Variants in DCLK1 observed in about 807,000 individuals in gnomAD.
DCLK1 encodes doublecortin like kinase 1, also known as serine/threonine-protein kinase DCLK1.
In DCLK1, 16 loss-of-function variants were observed where a neutral mutation model predicts 86.2. The observed-to-expected ratio is 0.19, with a 90% CI of 0.13 to 0.28. DCLK1 has a LOEUF of 0.28. Ranked by LOEUF, DCLK1 falls within the 10% of genes least tolerant of loss-of-function variation. The pLI is 1.00. For synonymous variants in DCLK1, 369 were observed against 370.5 expected (o/e 1.00, Z 0.05); for missense variants, 590 against 940.2 (o/e 0.63, Z 4.87).
intron 3 of DCLK1, among the ~76,000 whole-genome samples, chr13:35,985,395 A>C (rs1170987): frequency 0.051 from 7,691 of 150,586 alleles, 259 homozygotes; most frequent in African/African-American, 0.094. Flanking sequence ...AACAAACAAA[A>C]AAAAAAAATT....
intron 2 of DCLK1, among the ~76,000 whole-genome samples, chr13:36,122,927 G>T (rs181420641): frequency 6.6e-6 from 1 of 152,172 alleles, no homozygotes; most frequent in Admixed American, 6.5e-5. Flanking sequence ...CCACACTTAG[G>T]CATAATAATC....
chr13:35,845,454 A>G (rs1870108479), intron 6 of DCLK1, among the ~76,000 whole-genome samples: 1 of 152,244 alleles, frequency 6.6e-6, no homozygotes, highest in Admixed American at 6.5e-5. Flanking sequence ...TTGTATAAAT[A>G]CACACACAGA....
chr13:35,898,572 A>T (rs1435364131), intron 4 of DCLK1, among the ~76,000 whole-genome samples: 2 of 152,152 alleles, frequency 1.3e-5, no homozygotes, highest in Non-Finnish European at 2.9e-5. Context: ...ATTCAGTACC[A>T]CCTGGTTGAT....
chr13:35,944,115 A>G (rs1361352571), intron 4 of DCLK1, among the ~76,000 whole-genome samples: 1 of 152,224 alleles, frequency 6.6e-6, no homozygotes, highest in Non-Finnish European at 1.5e-5. Context: ...TCTGGCTCCA[A>G]TGTGGCCCCA....
At chr13:35,900,961 T>C (rs577848197) in intron 4 of DCLK1, among the ~76,000 whole-genome samples, 3 of 152,174 alleles carry the variant, frequency 2.0e-5, no homozygotes, top group Admixed American at 2.0e-4. Flanking sequence ...GAAATTAAAC[T>C]CAGCGAAAGG....
intron 3 of DCLK1, among the ~76,000 whole-genome samples, chr13:36,042,292 C>T (rs1280987765): frequency 6.6e-6 from 1 of 152,192 alleles, no homozygotes; most frequent in African/African-American, 2.4e-5. Flanking sequence ...TCACAATATA[C>T]AGTATGGATA....
chr13:35,886,132 C>T (rs541898513), intron 4 of DCLK1, among the ~76,000 whole-genome samples: 38 of 151,844 alleles, frequency 2.5e-4, no homozygotes, highest in Non-Finnish European at 3.7e-4. Flanking sequence ...CTGCCTCAGC[C>T]TCCTGAGTAG....
intron 5 of DCLK1, among the ~76,000 whole-genome samples, chr13:35,862,342 CTCT>C (rs780874871): frequency 2.0e-5 from 3 of 152,210 alleles, no homozygotes; most frequent in Non-Finnish European, 2.9e-5. Context: ...TGATCCCTCT[CTCT>C]TCTTCTAGCC....
chr13:35,890,312 T>C (rs1232984153), intron 4 of DCLK1, among the ~76,000 whole-genome samples: 1 of 152,144 alleles, frequency 6.6e-6, no homozygotes, highest in Non-Finnish European at 1.5e-5. Context: ...GTATGTGTTT[T>C]CCGGTATAAA....
chr13:35,858,717 C>A (rs1871222641), intron 5 of DCLK1, among the ~76,000 whole-genome samples: 1 of 152,152 alleles, frequency 6.6e-6, no homozygotes, highest in Non-Finnish European at 1.5e-5. Flanking sequence ...TACTTTTGCA[C>A]CAACCTAATA....
At chr13:35,893,436 C>T (rs1873764482) in intron 4 of DCLK1, among the ~76,000 whole-genome samples, 1 of 152,228 alleles carries the variant, frequency 6.6e-6, no homozygotes, top group Admixed American at 6.5e-5. Flanking sequence ...TTATTGAGCA[C>T]TTCCTGTGTG....
intron 4 of DCLK1, among the ~76,000 whole-genome samples, chr13:35,913,438 C>T (rs1218718513): frequency 8.5e-5 from 13 of 152,184 alleles, no homozygotes; most frequent in Non-Finnish European, 2.9e-5. Flanking sequence ...CACAAATGCT[C>T]AAATGCAATT....
intron 3 of DCLK1, among the ~76,000 whole-genome samples, chr13:36,026,306 A>G (rs1882033015): frequency 6.6e-6 from 1 of 152,246 alleles, no homozygotes; most frequent in South Asian, 2.1e-4. Flanking sequence ...AATGTCTTCA[A>G]CTATATTAAG....
intron 3 of DCLK1, among the ~76,000 whole-genome samples, chr13:35,966,223 T>A (rs1415016624): frequency 6.6e-6 from 1 of 152,170 alleles, no homozygotes; most frequent in Non-Finnish European, 1.5e-5. Context: ...GAAAACAGCA[T>A]GCTGATTTCT....
rs1364894967 is a variant in DCLK1 at position 35,918,834 on chromosome 13, TTTAA to T, written c.823+28520_823+28523del. ...GTCTATAACAACACAAGTGCTCCTA[TTTAA>T]TTAATTGTCTTATAATTTGTTAAAG... On this transcript the variant is annotated intron_variant, in intron 4 of 16. Coordinates refer to ENST00000360631, the MANE Select transcript of DCLK1 (RefSeq NM_001330071.2). 8.6e-5 allele frequency among the ~76,000 whole-genome samples: 13 copies of T among 151,806 alleles called. No individual in the cohort carries two copies. The East Asian group carries it at 2.5e-3, about 29-fold the overall frequency.
At chr13:35,967,397 T>C (rs1159165654) in intron 3 of DCLK1, among the ~76,000 whole-genome samples, 2 of 152,152 alleles carry the variant, frequency 1.3e-5, no homozygotes, top group African/African-American at 2.4e-5. Flanking sequence ...GGGGGAAATG[T>C]GGGGAAAAGA....
At chr13:35,876,980 G>C (rs1214493296) in intron 4 of DCLK1, among the ~76,000 whole-genome samples, 1 of 152,140 alleles carries the variant, frequency 6.6e-6, no homozygotes, top group Non-Finnish European at 1.5e-5. Context: ...CCAAAGGACA[G>C]GAAATCAGAC....
intron 3 of DCLK1, among the ~76,000 whole-genome samples, chr13:35,976,605 A>C (rs548687703): frequency 7.5e-6 from 1 of 132,574 alleles, no homozygotes; most frequent in East Asian, 2.2e-4. Context: ...ATCTCGGCTC[A>C]CTGCAAGCTC....
chr13:36,126,364 G>A lies in DCLK1; in HGVS notation c.-19-208C>T, dbSNP rs931632597. On this transcript the variant is annotated intron_variant, in intron 1 of 16. Coordinates refer to ENST00000360631, the MANE Select transcript of DCLK1 (RefSeq NM_001330071.2). Reference sequence around the variant, plus strand: ...CCTGCATCAATCTCCCAGAGTATCCGGGACTACTACAGGTTACAGGTGCCT... The same window carrying A: ...CCTGCATCAATCTCCCAGAGTATCCAGGACTACTACAGGTTACAGGTGCCT... Among the ~76,000 whole-genome samples the A allele has an allele frequency of 1.1e-4, 17 of 152,140 alleles. No individual in the cohort carries two copies. The East Asian group carries it at 3.3e-3, about 29-fold the overall frequency.
Sources: gnomAD v4.1 joint callset for allele counts (sites outside exome capture counted in the v4.1 genomes callset) on GRCh38, gnomAD v4.1.1 for gene constraint, MANE v1.5 for transcripts, NCBI Gene and HGNC (gene_info 2026-07-23, HGNC 2026-07-21) for gene names.